VAV2: variants seen among roughly 807,000 people sequenced by gnomAD.
VAV2 encodes the protein guanine nucleotide exchange factor VAV2.
VAV2 carries 67 observed loss-of-function variants against 132.5 expected under a neutral mutation model. The ratio of observed to expected loss-of-function variants is 0.51; its 90% CI spans 0.42 to 0.62. The LOEUF is 0.62. Ranked by LOEUF, VAV2 falls within the 20% of genes least tolerant of loss-of-function variation. The probability of loss-of-function intolerance (pLI) is 0.00; values close to 1 mark genes in which losing one functional copy is unlikely to be tolerated. For missense variants in VAV2, 938 were observed against 1,153.6 expected (o/e 0.81, Z 2.71); for synonymous variants, 492 against 443.5 (o/e 1.11, Z -1.37).
At chr9:133,914,239 C>G (rs1030143190) in intron 2 of VAV2, among the ~76,000 whole-genome samples, 1 of 152,088 alleles carries the variant, frequency 6.6e-6, no homozygotes, top group Non-Finnish European at 1.5e-5. Flanking sequence ...ACAGAATTAC[C>G]GTGAAGCCCA....
In VAV2 at chr9:133,783,507, C is replaced by T; in HGVS notation, c.1719G>A (p.Lys573=). 1.9e-6 allele frequency: 3 copies of T among 1,613,496 alleles called. No individual in the cohort carries two copies. The highest frequency in any genetic ancestry group is 1.7e-6 in the Non-Finnish European group (2 of 1,179,804). Residue 573 remains lysine, a synonymous_variant, in exon 19 of 30, where the codon AAG becomes AAA. Coordinates refer to ENST00000371850, the MANE Select transcript of VAV2 (RefSeq NM_001134398.2). ...GGGGGTGAGGGGGGTACTCACTGAA[C>T]TTGCAGGGAGGTATCACTTCCAGGC... is the stretch of plus-strand genomic sequence containing the variant. ...KECLEVIPPC[K]FTSPADLDAS...
In VAV2 at chr9:133,840,269, G is replaced by T. The variant is rs948610717; in HGVS notation, c.381-5929C>A. On this transcript the variant is annotated intron_variant, in intron 3 of 29. Transcript: ENST00000371850. The surrounding 1 kb of genome is among the most constrained non-coding windows in gnomAD (Gnocchi z 4.5). ...AAGCAGAGTTTCCCACTGCACCGCCGAGGGGACGAAGCAGATGTCCGCACA... is the reference window on the plus strand; with the variant it reads ...AAGCAGAGTTTCCCACTGCACCGCCTAGGGGACGAAGCAGATGTCCGCACA... Among the ~76,000 whole-genome samples, 2 of 152,164 alleles carry T rather than the reference G, an allele frequency of 1.3e-5. No homozygotes were observed. Among genetic ancestry groups the T allele is most frequent in the African/African-American group, 4.8e-5 (2 of 41,426 alleles).
At chr9:133,783,686 C>A in intron 18 of VAV2, 95 bp from the exon 19 acceptor site, 1 of 1,138,330 alleles carries the variant, frequency 8.8e-7, no homozygotes, top group South Asian at 1.3e-5. Flanking sequence ...CCCAGGCTCA[C>A]CTGGCTGGCT....
chr9:133,826,191 C>T lies in VAV2; in HGVS notation c.449+8081G>A, dbSNP rs1040781994. Among the ~76,000 whole-genome samples, 4 of 152,204 alleles carry T rather than the reference C, an allele frequency of 2.6e-5. No homozygotes were observed. Among genetic ancestry groups the T allele is most frequent in the African/African-American group, 9.7e-5 (4 of 41,446 alleles). On this transcript the variant is annotated intron_variant, in intron 4 of 29. Transcript: ENST00000371850. This position sits in a 1 kb window ranked among gnomAD's most constrained non-coding sequence, Gnocchi z 4.2. ...TGCTTTCGTTTCAGAGACTGGGAAA[C>T]TGAGGCCCTGTGTGGCATTTAACTT...
intron 2 of VAV2, among the ~76,000 whole-genome samples, chr9:133,920,589 C>T (rs911152400): frequency 6.6e-6 from 1 of 152,102 alleles, no homozygotes; most frequent in Non-Finnish European, 1.5e-5. Flanking sequence ...AGGGGAGGTG[C>T]CCCCTCCCCA....
intron 7 of VAV2, among the ~76,000 whole-genome samples, chr9:133,808,008 C>G: frequency 6.6e-6 from 1 of 152,384 alleles, no homozygotes; most frequent in South Asian, 2.1e-4. Flanking sequence ...TTGGTCACCA[C>G]GTGGCACAGA....
intron 3 of VAV2, among the ~76,000 whole-genome samples, chr9:133,846,275 A>C (rs781236199): frequency 6.6e-6 from 1 of 151,486 alleles, no homozygotes; most frequent in Non-Finnish European, 1.5e-5. Flanking sequence ...GGGACTGACC[A>C]CACCAAAGGG....
At chr9:133,931,795 G>A (rs1037032504) in intron 2 of VAV2, among the ~76,000 whole-genome samples, 6 of 152,206 alleles carry the variant, frequency 3.9e-5, no homozygotes, top group African/African-American at 1.2e-4. Flanking sequence ...AGGGCCCCGC[G>A]AAGGAGCTGG....
At chr9:133,849,550 T>TG (rs1258171362) in intron 3 of VAV2, among the ~76,000 whole-genome samples, 1 of 152,220 alleles carries the variant, frequency 6.6e-6, no homozygotes, top group African/African-American at 2.4e-5. Flanking sequence ...GTTTGTGTCC[T>TG]GGGGCTGCGT....
intron 4 of VAV2, among the ~76,000 whole-genome samples, chr9:133,827,681 G>C (rs1302060363): frequency 2.1e-4 from 13 of 62,898 alleles, no homozygotes; most frequent in Non-Finnish European, 5.6e-4. Context: ...TGACCACTGA[G>C]CACGGGCATC....
chr9:133,792,468 TGTGTGTG>T, intron 12 of VAV2, among the ~76,000 whole-genome samples: 1 of 149,506 alleles, frequency 6.7e-6, no homozygotes, highest in South Asian at 2.1e-4. Context: ...TGTGTGATTG[TGTGTGTG>T]ATTGTGTGAG....
chr9:133,973,708 C>T (rs1251554770), intron 1 of VAV2, among the ~76,000 whole-genome samples: 1 of 152,224 alleles, frequency 6.6e-6, no homozygotes, highest in African/African-American at 2.4e-5. Context: ...ACAAGGGTGA[C>T]GCCCTCGCCC....
chr9:133,976,694 G>A (rs544692030), intron 1 of VAV2, among the ~76,000 whole-genome samples: 3 of 152,280 alleles, frequency 2.0e-5, no homozygotes, highest in Admixed American at 6.5e-5. Flanking sequence ...TCTGTCCTGC[G>A]ACGGAGCTGC....
intron 3 of VAV2, among the ~76,000 whole-genome samples, chr9:133,838,506 A>AGTGG (rs1310111691): frequency 7.9e-5 from 1 of 12,620 alleles, no homozygotes; most frequent in East Asian, 3.6e-3. Context: ...TGGGTGGGTA[A>AGTGG]GTGGGTGGGT....
rs775400146 is a variant in VAV2, at chr9:133,788,309, C to T, written c.1407+45G>A. ...TGGAACCCAGTGCCTCTCTCCAGGC[C>T]ACCCCCACGTTCCTGGGTAGCAGGG... On this transcript the variant is annotated intron_variant, in intron 15 of 29. Coordinates refer to ENST00000371850, the MANE Select transcript of VAV2 (RefSeq NM_001134398.2). The surrounding 1 kb of genome is among the most constrained non-coding windows in gnomAD (Gnocchi z 5.3). 6.3e-7 allele frequency: 1 copy of T among 1,584,200 alleles called. No homozygotes were observed. Among genetic ancestry groups the T allele is most frequent in the South Asian group, 1.1e-5 (1 of 90,288 alleles).
chr9:133,792,678 ACCCCCCCCC>A (rs199592841), intron 12 of VAV2, among the ~76,000 whole-genome samples: 3 of 118,660 alleles, frequency 2.5e-5, no homozygotes, highest in African/African-American at 6.5e-5. Context: ...CCCCCAAGGG[ACCCCCCCCC>A]CCACCCCCCA....
chr9:133,933,041 G>A (rs370580371), intron 2 of VAV2, among the ~76,000 whole-genome samples: 18 of 152,364 alleles, frequency 1.2e-4, no homozygotes, highest in African/African-American at 4.1e-4. Context: ...AGCAGCAAGT[G>A]AGGGCCATGA....
chr9:133,977,942 C>T (rs866441055), intron 1 of VAV2, among the ~76,000 whole-genome samples: 18 of 103,918 alleles, frequency 1.7e-4, no homozygotes, highest in South Asian at 2.5e-4. Flanking sequence ...GCAGCTCCCA[C>T]GCCCCCTGCC....
intron 2 of VAV2, among the ~76,000 whole-genome samples, chr9:133,937,724 GCC>G (rs1290943412): frequency 6.6e-6 from 1 of 152,078 alleles, no homozygotes; most frequent in East Asian, 1.9e-4. Context: ...AAAGAAACAG[GCC>G]CAGGCCATTC....
Sources: allele counts gnomAD v4.1 joint callset (sites outside exome capture counted in the v4.1 genomes callset), GRCh38; gene constraint gnomAD v4.1.1; non-coding constraint Gnocchi (gnomAD v3.1); transcripts MANE v1.5; gene names NCBI Gene and HGNC (gene_info 2026-07-23, HGNC 2026-07-21).